The following GABRG3 variants were observed in gnomAD, a reference collection of about 807,000 sequenced individuals.
GABRG3 encodes the protein gamma-aminobutyric acid type A receptor subunit gamma3.
GABRG3 carries 25 observed loss-of-function variants against 48.8 expected under a neutral mutation model. That is an observed-to-expected ratio of 0.51 (90% CI 0.37 to 0.72). The LOEUF is 0.72. Ranked by LOEUF, GABRG3 falls within the 30% of genes least tolerant of loss-of-function variation. The probability of loss-of-function intolerance (pLI) is 0.00; values close to 1 mark genes in which losing one functional copy is unlikely to be tolerated. For missense variants in GABRG3, 394 were observed against 577.9 expected (o/e 0.68, Z 3.26); for synonymous variants, 227 against 217.6 (o/e 1.04, Z -0.38).
At chr15:27,248,839 G>GAGAC (rs1890357101) in intron 3 of GABRG3, among the ~76,000 whole-genome samples, 1 of 149,478 alleles carries the variant, frequency 6.7e-6, no homozygotes, top group Non-Finnish European at 1.5e-5. Context: ...GAGAGAGACA[G>GAGAC]AGAGAAGCTG....
chr15:27,312,631 T>A (rs932736228), intron 3 of GABRG3, among the ~76,000 whole-genome samples: 1 of 152,092 alleles, frequency 6.6e-6, no homozygotes, highest in Admixed American at 6.6e-5. Flanking sequence ...GGGATTCAGA[T>A]GATATATTCA....
chr15:27,502,562 C>A (rs1010936691), intron 6 of GABRG3, among the ~76,000 whole-genome samples: 2 of 152,140 alleles, frequency 1.3e-5, no homozygotes, highest in African/African-American at 4.8e-5. Flanking sequence ...ACACTCTCCA[C>A]CTGGAGATAG....
At chr15:27,246,106 C>A (rs2140456521) in intron 3 of GABRG3, among the ~76,000 whole-genome samples, 1 of 152,208 alleles carries the variant, frequency 6.6e-6, no homozygotes. Flanking sequence ...CCCCACGACC[C>A]AAACACCTCC....
chr15:27,338,271 A>G (rs1894045233), intron 5 of GABRG3, among the ~76,000 whole-genome samples: 1 of 152,022 alleles, frequency 6.6e-6, no homozygotes, highest in Non-Finnish European at 1.5e-5. Context: ...CCATCAACAC[A>G]CTTCTTGTGG....
chr15:27,508,128 G>T (rs1890804480), intron 6 of GABRG3, among the ~76,000 whole-genome samples: 3 of 152,144 alleles, frequency 2.0e-5, no homozygotes, highest in Admixed American at 2.0e-4. Flanking sequence ...TGTTTCATCT[G>T]GGATGTTTAG....
intron 3 of GABRG3, among the ~76,000 whole-genome samples, chr15:27,160,338 C>T (rs1887131858): frequency 6.6e-6 from 1 of 152,082 alleles, no homozygotes; most frequent in South Asian, 2.1e-4. Context: ...TCAGCCACAA[C>T]CAGAAAGGTC....
At chr15:26,993,581 A>AT (rs985522929) in intron 2 of GABRG3, among the ~76,000 whole-genome samples, 2 of 151,856 alleles carry the variant, frequency 1.3e-5, no homozygotes, top group Non-Finnish European at 2.9e-5. Flanking sequence ...TAGTATTTTA[A>AT]TTTTTTTGAC....
At chr15:27,523,967 T>TTGGG (rs1891217432) in intron 7 of GABRG3, among the ~76,000 whole-genome samples, 1 of 151,032 alleles carries the variant, frequency 6.6e-6, no homozygotes, top group South Asian at 2.1e-4. Flanking sequence ...CTAAAAAAAA[T>TTGGG]ATTCAAAGAA....
intron 7 of GABRG3, among the ~76,000 whole-genome samples, chr15:27,523,003 T>C (rs1891194146): frequency 6.6e-6 from 1 of 151,858 alleles, no homozygotes; most frequent in South Asian, 2.1e-4. Flanking sequence ...CTATTGGATA[T>C]TACAGAACTC....
intron 5 of GABRG3, among the ~76,000 whole-genome samples, chr15:27,469,988 G>T (rs1312292814): frequency 6.6e-6 from 1 of 152,144 alleles, no homozygotes. Flanking sequence ...TTCATCGGAC[G>T]CTGTGAAGTG....
chr15:27,020,693 C>A (rs569419704), intron 2 of GABRG3, among the ~76,000 whole-genome samples: 7 of 151,934 alleles, frequency 4.6e-5, no homozygotes, highest in Non-Finnish European at 8.8e-5. Context: ...CTGGGATTAC[C>A]GGCTTGAGCC....
At chr15:27,485,661 T>G (rs1432416578) in intron 6 of GABRG3, among the ~76,000 whole-genome samples, 1 of 152,142 alleles carries the variant, frequency 6.6e-6, no homozygotes, top group Non-Finnish European at 1.5e-5. Context: ...TAATAAATTT[T>G]TTTATTACAG....
intron 3 of GABRG3, among the ~76,000 whole-genome samples, chr15:27,058,522 G>T (rs991984950): frequency 6.6e-6 from 1 of 152,154 alleles, no homozygotes; most frequent in African/African-American, 2.4e-5. Context: ...ACCAGGAGTT[G>T]TAGCATCTTT....
At chr15:27,240,040 G>A (rs1207505119) in intron 3 of GABRG3, among the ~76,000 whole-genome samples, 1 of 152,138 alleles carries the variant, frequency 6.6e-6, no homozygotes, top group African/African-American at 2.4e-5. Context: ...TTATGAAAAT[G>A]CCTAATTAAT....
chr15:27,537,812 TATTA>T lies in GABRG3; in HGVS notation c.*4932_*4935del, dbSNP rs1213636350. On this transcript the variant is annotated 3_prime_UTR_variant, in exon 10 of 10. Transcript: ENST00000615808. ...GGCAGACTTTCTTTATATTTATTTT[TATTA>T]TTTATTTATTTATTTATTTATTTAT... 2 of 148,306 alleles carry T rather than the reference TATTA, an allele frequency of 1.3e-5. No homozygotes were observed. Among genetic ancestry groups the T allele is most frequent in the African/African-American group, 5.0e-5 (2 of 40,256 alleles). The allele number at this position is 148,306 out of a possible 1,614,324, so 9.2% of individuals were successfully genotyped here.
intron 3 of GABRG3, among the ~76,000 whole-genome samples, chr15:27,071,060 CTG>C (rs1046202335): frequency 1.3e-5 from 2 of 152,132 alleles, no homozygotes; most frequent in African/African-American, 4.8e-5. Flanking sequence ...CAATCAGTGT[CTG>C]TGTTGTTTTT....
chr15:27,433,456 T>C (rs1888515967), intron 5 of GABRG3, among the ~76,000 whole-genome samples: 1 of 152,176 alleles, frequency 6.6e-6, no homozygotes, highest in Non-Finnish European at 1.5e-5. Flanking sequence ...CCTTCAGCTG[T>C]TGCCTGGCCT....
At chr15:27,186,208 T>A (rs1462238035) in intron 3 of GABRG3, among the ~76,000 whole-genome samples, 7 of 152,120 alleles carry the variant, frequency 4.6e-5, no homozygotes, top group Non-Finnish European at 1.0e-4. Context: ...CAGGGTCTAT[T>A]GACCCCATCT....
chr15:27,126,168 G>A (rs955307260), intron 3 of GABRG3, among the ~76,000 whole-genome samples: 12 of 152,074 alleles, frequency 7.9e-5, no homozygotes, highest in Admixed American at 3.9e-4. Context: ...AGAGAACAGG[G>A]CTTCTTTATT....
Sources: gnomAD v4.1 joint callset for allele counts (sites outside exome capture counted in the v4.1 genomes callset) on GRCh38, gnomAD v4.1.1 for gene constraint, MANE v1.5 for transcripts, NCBI Gene and HGNC (gene_info 2026-07-23, HGNC 2026-07-21) for gene names.